PALB2: variants seen among roughly 807,000 people sequenced by gnomAD.
PALB2 encodes the protein mutant partner and localizer of BRCA2.
Under a neutral mutation model 107.4 loss-of-function variants are expected in PALB2, and 82 were observed. That is an observed-to-expected ratio of 0.76 (90% CI 0.64 to 0.92). The LOEUF is 0.92. PALB2 is among the 40% of genes least tolerant of loss of function. The pLI is 0.00. For missense variants in PALB2, 1,374 were observed against 1,379.9 expected (o/e 1.00, Z 0.07); for synonymous variants, 489 against 496.8 (o/e 0.98, Z 0.21).
intron 1 of PALB2, chr16:23,640,600 G>A (rs766801538): frequency 1.1e-4 from 26 of 233,258 alleles, no homozygotes; most frequent in Non-Finnish European, 2.1e-4. Flanking sequence ...AGAAAGCAAG[G>A]TAGATAAACA....
chr16:23,627,413 G>A (rs1299838487), intron 6 of PALB2, among the ~76,000 whole-genome samples: 3 of 151,082 alleles, frequency 2.0e-5, no homozygotes, highest in Admixed American at 6.6e-5. Flanking sequence ...CGTGAACCCG[G>A]GAAGCGGAGC....
chr16:23,621,422 T>C lies in PALB2; in HGVS notation c.3053A>G (p.Glu1018Gly), dbSNP rs1567212910. 6.2e-7 allele frequency: 1 copy of C among 1,614,168 alleles called. No homozygotes were observed. The highest frequency in any genetic ancestry group is 8.5e-7 in the Non-Finnish European group (1 of 1,180,014). Residue 1018 changes from glutamate to glycine, a missense_variant, in exon 10 of 13, where the codon GAG becomes GGG. Coordinates refer to ENST00000261584, the MANE Select transcript of PALB2 (RefSeq NM_024675.4). ...PPEETILTFA[E>G]VQGMQEALLG... ...CAGAGCTTCTTGCATCCCTTGGACC[T>C]CAGCAAAAGTTAGTATAGTCTCCTC... is the stretch of plus-strand genomic sequence containing the variant.
At chr16:23,624,627 C>A (rs1442366669) in intron 7 of PALB2, among the ~76,000 whole-genome samples, 2 of 152,218 alleles carry the variant, frequency 1.3e-5, no homozygotes, top group Non-Finnish European at 2.9e-5. Flanking sequence ...GATTCTCCTG[C>A]CTCAGCCTCC....
At position 23,624,063 on chromosome 16, in the gene PALB2, T is replaced by TCAGG; in HGVS notation, c.2776_2779dup (p.Asp927AlafsTer2). 6.2e-7 allele frequency: 1 copy of TCAGG among 1,608,206 alleles called. No individual in the cohort carries two copies. Among genetic ancestry groups the TCAGG allele is most frequent in the South Asian group, 1.1e-5 (1 of 90,972 alleles). On this transcript the variant is annotated stop_gained and frameshift_variant, in exon 8 of 13. Coordinates refer to ENST00000261584, the MANE Select transcript of PALB2 (RefSeq NM_024675.4). LOFTEE classifies it high-confidence loss of function. ...AGCTACACACACGAGATTATACACA[T>TCAGG]CAGGCACTGGAACTATCTGTAATAC...
chr16:23,605,655 C>T (rs1166682671), intron 12 of PALB2, among the ~76,000 whole-genome samples: 4 of 152,074 alleles, frequency 2.6e-5, no homozygotes, highest in Admixed American at 2.0e-4. Flanking sequence ...GTGATCTGCC[C>T]GCCTCGGCTT....
Position 23,636,245 on chromosome 16 carries a change from C to T in PALB2, c.301G>A (p.Asp101Asn), listed in dbSNP as rs794727654. The T allele has an allele frequency of 6.2e-7, 1 of 1,613,686 alleles. No individual in the cohort carries two copies. Among genetic ancestry groups the T allele is most frequent in the Non-Finnish European group, 8.5e-7 (1 of 1,179,978 alleles). ...GGGTTAAAGGACTCAGGCCCAACAT[C>T]AAGTGTGATAGATGTCTTTTCTCCA... ...ETGEKTSITL[D>N]VGPESFNPGD... is the part of the protein sequence containing the mutation. Residue 101 changes from aspartate to asparagine, a missense_variant, in exon 4 of 13, where the codon GAT becomes AAT. Physicochemically the swap from Asp to Asn is conservative, Grantham distance 23 (BLOSUM62 1). Coordinates refer to ENST00000261584, the MANE Select transcript of PALB2 (RefSeq NM_024675.4).
chr16:23,626,437 G>C (rs2142357243), intron 6 of PALB2, 40 bp from the exon 7 acceptor site: 1 of 1,611,710 alleles, frequency 6.2e-7, no homozygotes, highest in Non-Finnish European at 8.5e-7. Context: ...TGGCACTCGA[G>C]TGCTGTTTTA....
At chr16:23,640,793 G>T in intron 1 of PALB2, 1 of 338,182 alleles carries the variant, frequency 3.0e-6, no homozygotes, top group South Asian at 6.4e-5. Context: ...AGATTTACTT[G>T]AGGCCGTCCG....
intron 10 of PALB2, chr16:23,617,958 A>G (rs1597076829): frequency 6.6e-6 from 1 of 152,132 alleles, no homozygotes. Context: ...AAAGTTCAAG[A>G]CCAGCCTGGA....
At chr16:23,615,993 G>A (rs1966678152) in intron 10 of PALB2, among the ~76,000 whole-genome samples, 1 of 152,146 alleles carries the variant, frequency 6.6e-6, no homozygotes, top group Non-Finnish European at 1.5e-5. Flanking sequence ...ATCCAGCAGT[G>A]CAATATTTAC....
chr16:23,635,552 GTTCATT>G lies in PALB2; in HGVS notation c.988_993del (p.Asn330_Glu331del). On this transcript the variant is annotated inframe_deletion, in exon 4 of 13. Coordinates refer to ENST00000261584, the MANE Select transcript of PALB2 (RefSeq NM_024675.4). ...TTTGCTGGTAAGTTATTGTAGGTGA[GTTCATT>G]TAGAGAACATGAAATATTTGCCTCT... 6.2e-7 allele frequency: 1 copy of G among 1,613,112 alleles called. No individual in the cohort carries two copies. The highest frequency in any genetic ancestry group is 2.2e-5 in the East Asian group (1 of 44,874).
intron 1 of PALB2, chr16:23,640,439 G>A (rs1163455154): frequency 4.9e-6 from 1 of 204,096 alleles, no homozygotes; most frequent in African/African-American, 2.3e-5. Context: ...AGGAAGCGGA[G>A]GTTGCAGTGA....
chr16:23,629,987 T>C lies in PALB2; in HGVS notation c.2167A>G (p.Met723Val), dbSNP rs876660336. The part of the protein sequence containing the change: ...PDDNDRPTTD[M>V]CSPAFPILGT... ...AAGATGGGGAAAGCAGGTGAACACA[T>C]GTCTGTGGTAGGCCTGTCATTATCA... Residue 723 changes from methionine to valine, a missense_variant, in exon 5 of 13, where the codon ATG becomes GTG. Coordinates refer to ENST00000261584, the MANE Select transcript of PALB2 (RefSeq NM_024675.4). 3 of 1,613,996 alleles carry C rather than the reference T, an allele frequency of 1.9e-6. No homozygotes were observed. The highest frequency in any genetic ancestry group is 1.7e-4 in the Middle Eastern group (1 of 6,060).
chr16:23,627,329 T>C (rs576111252), intron 6 of PALB2, among the ~76,000 whole-genome samples: 48 of 150,428 alleles, frequency 3.2e-4, no homozygotes, highest in African/African-American at 1.1e-3. Flanking sequence ...CTACTAAAAA[T>C]ACAAAAAATT....
At chr16:23,626,751 A>G (rs1966843460) in intron 6 of PALB2, among the ~76,000 whole-genome samples, 1 of 151,944 alleles carries the variant, frequency 6.6e-6, no homozygotes, top group African/African-American at 2.4e-5. Flanking sequence ...CCTTCCGAGT[A>G]GCTAGGATTA....
At chr16:23,638,566 C>T (rs1207913906) in intron 1 of PALB2, 8 of 457,464 alleles carry the variant, frequency 1.7e-5, no homozygotes, top group South Asian at 4.7e-5. Context: ...TCTATTTATC[C>T]GTTAATGGTC....
At chr16:23,629,381 A>G (rs1966854543) in intron 5 of PALB2, 106 bp from the exon 6 acceptor site, 1 of 1,104,048 alleles carries the variant, frequency 9.1e-7, no homozygotes, top group Non-Finnish European at 1.4e-6. Flanking sequence ...ATTTCCTCTT[A>G]TAACAGCAGC....
chr16:23,630,536 A>T, intron 4 of PALB2, 67 bp from the exon 5 acceptor site: 3 of 1,247,438 alleles, frequency 2.4e-6, no homozygotes, highest in Non-Finnish European at 3.4e-6. Context: ...TGTTTCACTG[A>T]TGACAAAGAG....
At chr16:23,615,370 T>C (rs1271975506) in intron 10 of PALB2, among the ~76,000 whole-genome samples, 3 of 152,160 alleles carry the variant, frequency 2.0e-5, no homozygotes, top group Non-Finnish European at 2.9e-5. Flanking sequence ...GGTGGCGTGA[T>C]CATGACTCAC....
Sources: gnomAD v4.1 joint callset for allele counts (sites outside exome capture counted in the v4.1 genomes callset) on GRCh38, gnomAD v4.1.1 for gene constraint, MANE v1.5 for transcripts, NCBI Gene and HGNC (gene_info 2026-07-23, HGNC 2026-07-21) for gene names.